The following TBXAS1 variants were observed in gnomAD, a reference collection of about 807,000 sequenced individuals.
TBXAS1 encodes the protein thromboxane-A synthase.
In TBXAS1, 48 loss-of-function variants were observed where a neutral mutation model predicts 60.7. That is an observed-to-expected ratio of 0.79 (90% CI 0.63 to 1.01). The LOEUF (loss-of-function observed/expected upper bound fraction) is 1.01, where lower values mean the gene tolerates loss of function less well. TBXAS1 is among the 50% of genes least tolerant of loss of function. TBXAS1 has a pLI of 0.00. For synonymous variants in TBXAS1, 287 were observed against 269.7 expected, an observed-to-expected ratio of 1.06 and a Z score of -0.63; for missense variants, 685 against 686.3, an observed-to-expected ratio of 1.00 and a Z score of 0.02.
chr7:139,881,464 C>G (rs531200565), intron 3 of TBXAS1, among the ~76,000 whole-genome samples: 8 of 151,392 alleles, frequency 5.3e-5, no homozygotes, highest in African/African-American at 1.2e-4. Flanking sequence ...TTCCCCCCCT[C>G]CAGGAGGGTA....
rs73475935 is a variant in TBXAS1, at chr7:139,784,224, T to C, written c.-169+1495T>C. Among the ~76,000 whole-genome samples the C allele has an allele frequency of 9.4e-3, 1,407 of 149,004 alleles. 18 individuals carry two copies. Among genetic ancestry groups the C allele is most frequent in the African/African-American group, 0.033 (1,318 of 40,500 alleles). On this transcript the variant is annotated intron_variant, in intron 3 of 16. Transcript: ENST00000336425. ...TTTCGTTTGTTCTTTCTTTCATTCT[T>C]TCTCTCTCTCTCTCTCTTCCTTCCT...
intron 9 of TBXAS1, among the ~76,000 whole-genome samples, chr7:139,992,826 A>G (rs1419243481): frequency 2.0e-5 from 3 of 152,208 alleles, no homozygotes; most frequent in Non-Finnish European, 2.9e-5. Flanking sequence ...TCTCCCTCTC[A>G]GAGTTAAAAG....
At chr7:140,006,623 T>G (rs1229160098) in intron 9 of TBXAS1, among the ~76,000 whole-genome samples, 2 of 152,216 alleles carry the variant, frequency 1.3e-5, no homozygotes, top group African/African-American at 4.8e-5. Context: ...GTGGCAAACT[T>G]TTTTATTTGC....
chr7:139,888,753 G>A (rs1233198434), intron 3 of TBXAS1, among the ~76,000 whole-genome samples: 1 of 152,180 alleles, frequency 6.6e-6, no homozygotes, highest in Non-Finnish European at 1.5e-5. Context: ...GAAAGAAGAA[G>A]AGTAGAGGCC....
chr7:139,988,929 G>C (rs530959690), intron 9 of TBXAS1, among the ~76,000 whole-genome samples: 5 of 152,186 alleles, frequency 3.3e-5, no homozygotes, highest in African/African-American at 1.2e-4. Context: ...GTCCCAGCTG[G>C]TCTGGTGTGT....
chr7:139,847,993 T>A (rs935465539), intron 1 of TBXAS1, among the ~76,000 whole-genome samples: 1 of 152,028 alleles, frequency 6.6e-6, no homozygotes, highest in Non-Finnish European at 1.5e-5. Flanking sequence ...AGTTAATTTT[T>A]AAATTTTTTG....
chr7:139,779,075 A>G (rs1223969695), intron 1 of TBXAS1, among the ~76,000 whole-genome samples: 2 of 152,208 alleles, frequency 1.3e-5, no homozygotes, highest in Non-Finnish European at 1.5e-5. Flanking sequence ...TGTTTCGATT[A>G]TAGGTACTGG....
At chr7:139,958,133 T>C (rs550421954) in intron 8 of TBXAS1, among the ~76,000 whole-genome samples, 5 of 152,268 alleles carry the variant, frequency 3.3e-5, no homozygotes, top group African/African-American at 1.2e-4. Flanking sequence ...CATGAGCATA[T>C]TCTTTATATT....
chr7:139,818,037 C>A (rs767340191), intron 4 of TBXAS1, among the ~76,000 whole-genome samples: 1 of 152,216 alleles, frequency 6.6e-6, no homozygotes, highest in African/African-American at 2.4e-5. Context: ...TTCTCCCAGT[C>A]ACTGGGGATA....
At position 139,831,571 on chromosome 7, in the gene TBXAS1, G is replaced by C. The variant is rs188995912; in HGVS notation, c.89+2092G>C. ...TAAACATTGCAGCACATTAGTCTTT[G>C]CTTTAAGTGTTACATGTGCCATCCA... On this transcript the variant is annotated intron_variant, in intron 1 of 12. Coordinates refer to ENST00000448866, the MANE Select transcript of TBXAS1 (RefSeq NM_001061.7). 9.8e-5 allele frequency among the ~76,000 whole-genome samples: 15 copies of C among 152,328 alleles called. 2 individuals are homozygous for C. The highest frequency in any genetic ancestry group is 6.5e-4 in the Admixed American group (10 of 15,302).
intron 3 of TBXAS1, among the ~76,000 whole-genome samples, chr7:139,879,956 A>G (rs1202422632): frequency 6.6e-6 from 1 of 151,862 alleles, no homozygotes; most frequent in African/African-American, 2.4e-5. Flanking sequence ...ATCTCAGCTC[A>G]TGGCAACCTC....
rs8192812 is a variant in TBXAS1 at position 139,872,836 on chromosome 7, T to C, written c.183+508T>C. ...TGTGATGGCAAGAATCCATCTCTTA[T>C]CACTATCAATATGTATTGAGTCCTG... On this transcript the variant is annotated intron_variant, in intron 2 of 12. Transcript: ENST00000448866. Among the ~76,000 whole-genome samples the C allele has an allele frequency of 1.5e-3, 232 of 152,260 alleles. 1 individual carries two copies. In the East Asian group the frequency reaches 0.032, roughly 21 times the overall value.
At chr7:139,984,854 AAAGAAAG>A (rs1812302453) in intron 9 of TBXAS1, among the ~76,000 whole-genome samples, 4 of 150,322 alleles carry the variant, frequency 2.7e-5, no homozygotes, top group South Asian at 4.2e-4. Flanking sequence ...GAAGGAAAAG[AAAGAAAG>A]AAGAAAGAGA....
Position 140,020,198 on chromosome 7 carries a change from G to C in TBXAS1, c.*99G>C, listed in dbSNP as rs755720896. On this transcript the variant is annotated 3_prime_UTR_variant, in exon 13 of 13. Transcript: ENST00000448866. ...TTGGAAAAATGTCACTGAAGTGATT[G>C]AAAGAGTGCCTGGCATGCAAGGATA... 9 of 1,135,098 alleles carry C rather than the reference G, an allele frequency of 7.9e-6. No homozygotes were observed. Among genetic ancestry groups the C allele is most frequent in the Non-Finnish European group, 1.2e-5 (9 of 751,786 alleles). The allele number at this position is 1,135,098 out of a possible 1,614,324, so 70.3% of individuals were successfully genotyped here. A position where few individuals can be genotyped will look rare whatever the true frequency, so the allele number is the denominator to read the frequency against.
chr7:140,015,883 A>C, intron 11 of TBXAS1, 23 bp downstream of exon 11: 5 of 1,613,278 alleles, frequency 3.1e-6, no homozygotes, highest in East Asian at 4.5e-5. Context: ...CCTTTTAAAA[A>C]GCTCTGAAGG....
At chr7:139,882,982 G>C (rs575863208) in intron 3 of TBXAS1, among the ~76,000 whole-genome samples, 6 of 152,116 alleles carry the variant, frequency 3.9e-5, no homozygotes, top group African/African-American at 1.4e-4. Context: ...TCACTAAACT[G>C]CATTATTGCA....
At chr7:139,839,614 G>A (rs953804794) in intron 1 of TBXAS1, among the ~76,000 whole-genome samples, 1 of 151,046 alleles carries the variant, frequency 6.6e-6, no homozygotes, top group Non-Finnish European at 1.5e-5. Flanking sequence ...CAAAGTGGGA[G>A]GATCACTTGA....
intron 9 of TBXAS1, among the ~76,000 whole-genome samples, chr7:139,994,923 G>T (rs1449720631): frequency 6.6e-6 from 1 of 152,226 alleles, no homozygotes; most frequent in African/African-American, 2.4e-5. Flanking sequence ...GACAGTGGGG[G>T]ACTGATGCAC....
intron 4 of TBXAS1, chr7:139,913,357 A>C: frequency 1.8e-6 from 1 of 547,080 alleles, no homozygotes. Context: ...GAAGTTGGAG[A>C]AGCCAATAAG....
Sources: allele counts gnomAD v4.1 joint callset (sites outside exome capture counted in the v4.1 genomes callset), GRCh38; gene constraint gnomAD v4.1.1; transcripts MANE v1.5; gene names NCBI Gene and HGNC (gene_info 2026-07-23, HGNC 2026-07-21).